RAG1: variants seen among roughly 807,000 people sequenced by gnomAD.
RAG1 encodes the protein recombination activating 1, also known as V(D)J recombination-activating protein 1.
RAG1 carries 35 observed loss-of-function variants against 62.7 expected under a neutral mutation model. That is an observed-to-expected ratio of 0.56 (90% CI 0.43 to 0.74). RAG1 has a LOEUF of 0.74. Among genes scored for constraint, RAG1 ranks in the 30% least tolerant of loss-of-function variants. The pLI, the probability that RAG1 is intolerant of heterozygous loss-of-function variation, is 0.00. For synonymous variants in RAG1, 461 were observed against 470.3 expected (o/e 0.98, Z 0.26); for missense variants, 1,169 against 1,278.6 (o/e 0.91, Z 1.31).
At chr11:36,517,596 A>T (rs539002549) in intron 1 of RAG1, among the ~76,000 whole-genome samples, 2 of 152,304 alleles carry the variant, frequency 1.3e-5, no homozygotes, top group South Asian at 2.1e-4. Context: ...ATATAGTAGG[A>T]CACATATTCC....
chr11:36,512,366 T>A (rs903808517), intron 1 of RAG1, among the ~76,000 whole-genome samples: 3 of 152,238 alleles, frequency 2.0e-5, no homozygotes, highest in Non-Finnish European at 2.9e-5. Context: ...TCCACCTGCA[T>A]TGGACTTACG....
intron 1 of RAG1, among the ~76,000 whole-genome samples, chr11:36,570,958 C>G (rs753296631): frequency 5.3e-5 from 8 of 152,160 alleles, no homozygotes; most frequent in Non-Finnish European, 1.2e-4. Context: ...AATATTTTCT[C>G]CCATCATGTG....
chr11:36,563,182 A>G (rs997684870), upstream of RAG1, among the ~76,000 whole-genome samples: 7 of 152,230 alleles, frequency 4.6e-5, no homozygotes, highest in African/African-American at 1.7e-4. Flanking sequence ...CCATATAGCT[A>G]CTAAAACGAT....
At chr11:36,545,076 T>C (rs1387024615) in intron 3 of RAG1, among the ~76,000 whole-genome samples, 1 of 152,210 alleles carries the variant, frequency 6.6e-6, no homozygotes, top group Non-Finnish European at 1.5e-5. Context: ...AGAATTTATT[T>C]ATCCAGTGAC....
At chr11:36,528,221 A>G (rs1280415028) in intron 2 of RAG1, among the ~76,000 whole-genome samples, 2 of 152,164 alleles carry the variant, frequency 1.3e-5, no homozygotes, top group Non-Finnish European at 1.5e-5. Context: ...CACTTATTCT[A>G]AAATTGACCA....
intron 1 of RAG1, among the ~76,000 whole-genome samples, chr11:36,516,414 C>T (rs903308326): frequency 1.5e-4 from 23 of 152,246 alleles, no homozygotes; most frequent in African/African-American, 3.9e-4. Context: ...CTCCGCCTCC[C>T]GGGCTCACGC....
intron 1 of RAG1, among the ~76,000 whole-genome samples, chr11:36,570,350 T>C (rs1850722406): frequency 6.6e-6 from 1 of 152,218 alleles, no homozygotes; most frequent in Non-Finnish European, 1.5e-5. Flanking sequence ...TAATCTTTGC[T>C]AATTGAATAG....
Position 36,573,309 on chromosome 11 carries a change from C to T in RAG1, c.5C>T (p.Ala2Val). ...TTCTCAGGTACCTCAGCCAGCATGG[C>T]AGCCTCTTTCCCACCCACCTTGGGA... is the stretch of plus-strand genomic sequence containing the variant. M[A>V]ASFPPTLGLS... The change falls in exon 2 of 2, where the codon GCA becomes GTA. Residue 2 changes from alanine (A) to valine (V), a missense_variant. By Grantham distance (64) the Ala-to-Val change is moderately conservative. Around this residue, in one of 2 missense-constraint regions of RAG1, gnomAD observed 369 missense variants for 335.3 expected, o/e 1.10. Coordinates refer to ENST00000299440, the MANE Select transcript of RAG1 (RefSeq NM_000448.3). 6.2e-7 allele frequency: 1 copy of T among 1,614,144 alleles called. No homozygotes were observed. Among genetic ancestry groups the T allele is most frequent in the Non-Finnish European group, 8.5e-7 (1 of 1,180,010 alleles).
rs1483396293 is a variant in RAG1, at chr11:36,573,370, T to C, written c.66T>C (p.His22=). 1 of 1,614,030 alleles carries C rather than the reference T, an allele frequency of 6.2e-7. No individual in the cohort carries two copies. Among genetic ancestry groups the C allele is most frequent in the African/African-American group, 1.3e-5 (1 of 74,926 alleles). ...CCCCAGATGAAATTCAGCACCCACA[T>C]ATTAAATTTTCAGAATGGAAATTTA... ...SSAPDEIQHP[H]IKFSEWKFKL... Residue 22 remains histidine, a synonymous_variant, in exon 2 of 2, where the codon CAT becomes CAC. Coordinates refer to ENST00000299440, the MANE Select transcript of RAG1 (RefSeq NM_000448.3).
At chr11:36,572,955 GC>G (rs1232274274) in intron 1 of RAG1, among the ~76,000 whole-genome samples, 1 of 152,108 alleles carries the variant, frequency 6.6e-6, no homozygotes. Flanking sequence ...TAACTATTGA[GC>G]ACCTAATGTA....
intron 2 of RAG1, among the ~76,000 whole-genome samples, chr11:36,524,372 A>G (rs1860126723): frequency 1.3e-5 from 2 of 151,918 alleles, no homozygotes; most frequent in African/African-American, 4.8e-5. Context: ...AGAAATGGCA[A>G]AGTAGTTATT....
intron 2 of RAG1, among the ~76,000 whole-genome samples, chr11:36,535,222 G>A (rs887022560): frequency 6.6e-6 from 1 of 151,986 alleles, no homozygotes; most frequent in Non-Finnish European, 1.5e-5. Flanking sequence ...TGTCATTTTG[G>A]AATGCATCAA....
intron 3 of RAG1, among the ~76,000 whole-genome samples, chr11:36,547,706 G>C (rs1850418503): frequency 6.6e-6 from 1 of 152,102 alleles, no homozygotes; most frequent in Non-Finnish European, 1.5e-5. Context: ...ACAAAGAGGA[G>C]CTGGTGTCAT....
upstream of RAG1, among the ~76,000 whole-genome samples, chr11:36,564,432 GGAAGA>G (rs1298191076): frequency 1.3e-5 from 2 of 152,130 alleles, no homozygotes; most frequent in African/African-American, 4.8e-5. Flanking sequence ...AGGGGAAGAG[GGAAGA>G]GAAGAGAAGC....
chr11:36,531,264 T>C (rs951563183), intron 2 of RAG1, among the ~76,000 whole-genome samples: 22 of 152,016 alleles, frequency 1.4e-4, no homozygotes, highest in Non-Finnish European at 3.1e-4. Context: ...TATAGTTGAA[T>C]GTTTTTTAAT....
chr11:36,523,445 G>GT (rs1203182273), intron 2 of RAG1, among the ~76,000 whole-genome samples: 1 of 152,192 alleles, frequency 6.6e-6, no homozygotes, highest in Admixed American at 6.5e-5. Flanking sequence ...ATGTGGAACT[G>GT]TAAGTCCAAT....
chr11:36,563,098 TCTTAA>T (rs907043047), upstream of RAG1, among the ~76,000 whole-genome samples: 11 of 152,222 alleles, frequency 7.2e-5, no homozygotes, highest in African/African-American at 2.7e-4. Context: ...AATGACCCCA[TCTTAA>T]CTTAATCAAC....
chr11:36,559,690 T>C (rs905316528), intron 3 of RAG1, among the ~76,000 whole-genome samples: 1 of 152,208 alleles, frequency 6.6e-6, no homozygotes, highest in African/African-American at 2.4e-5. Flanking sequence ...ATTCAATTTA[T>C]ATAATTCTTC....
At chr11:36,521,703 A>C (rs1164201750) in intron 2 of RAG1, among the ~76,000 whole-genome samples, 1 of 152,168 alleles carries the variant, frequency 6.6e-6, no homozygotes, top group Non-Finnish European at 1.5e-5. Flanking sequence ...AGAAGACAGG[A>C]AAATGTGGGA....
Sources: gnomAD v4.1 joint callset for allele counts (sites outside exome capture counted in the v4.1 genomes callset) on GRCh38, gnomAD v4.1.1 for gene constraint, gnomAD v4.1.1 regional missense constraint, MANE v1.5 for transcripts, NCBI Gene and HGNC (gene_info 2026-07-23, HGNC 2026-07-21) for gene names.